OR6C2: variants seen among roughly 807,000 people sequenced by gnomAD.
The protein encoded by OR6C2 is olfactory receptor family 6 subfamily C member 2.
For synonymous variants in OR6C2, 146 were observed against 134.2 expected (o/e 1.09, Z -0.61); for missense variants, 435 against 365.8 (o/e 1.19, Z -1.54).
At chr12:55,447,875 A>G (rs1871392207) in intron 1 of OR6C2, among the ~76,000 whole-genome samples, 1 of 152,090 alleles carries the variant, frequency 6.6e-6, no homozygotes, top group African/African-American at 2.4e-5. Flanking sequence ...ACTGGATCAT[A>G]TAGTAGTTAT....
At position 55,452,241 on chromosome 12, in the gene OR6C2, T is replaced by G; in HGVS notation, c.28T>G (p.Phe10Val). Residue 10 changes from phenylalanine to valine, a missense_variant, in exon 2 of 2, where the codon TTT (phenylalanine) becomes GTT (valine). Phe to Val is a conservative substitution (Grantham distance 50). Coordinates refer to ENST00000641202, the MANE Select transcript of OR6C2 (RefSeq NM_054105.2). ...GAAAAACCACACAGTAATAAGAACT[T>G]TTATCCTGCTGGGACTGACAGGTGA... is the stretch of plus-strand genomic sequence containing the variant. MKNHTVIRT[F>V]ILLGLTGDPH... 4 of 1,593,290 alleles carry G rather than the reference T, an allele frequency of 2.5e-6. No individual in the cohort carries two copies. In the African/African-American group the frequency reaches 4.1e-5, roughly 16 times the overall value.
intron 1 of OR6C2, among the ~76,000 whole-genome samples, chr12:55,446,052 A>C (rs1194670338): frequency 6.6e-6 from 1 of 152,214 alleles, no homozygotes; most frequent in Non-Finnish European, 1.5e-5. Context: ...ACCTAGTCAA[A>C]TGCAAGTATT....
In OR6C2 at chr12:55,452,705, C is replaced by A. The variant is rs138582074; in HGVS notation, c.492C>A (p.Leu164=). The change falls in exon 2 of 2, where the codon CTC becomes CTA. Residue 164 remains leucine, a synonymous_variant. Coordinates refer to ENST00000641202, the MANE Select transcript of OR6C2 (RefSeq NM_054105.2). ...IVPPLSLGLQ[L]EFCDSNAIDH... Reference sequence around the variant, plus strand: ...CACCACTTAGCTTAGGCCTCCAGCTCGAATTCTGTGACTCCAATGCCATTG... The same window carrying A: ...CACCACTTAGCTTAGGCCTCCAGCTAGAATTCTGTGACTCCAATGCCATTG... 2.9e-3 allele frequency: 4,688 copies of A among 1,613,762 alleles called. 39 individuals are homozygous for A. Among genetic ancestry groups the A allele is most frequent in the Middle Eastern group, 0.017 (100 of 6,054 alleles).
Position 55,452,216 on chromosome 12 carries a change from G to GA in OR6C2, c.8dup (p.Asn3LysfsTer16), listed in dbSNP as rs1871487612. 1 of 1,554,712 alleles carries GA rather than the reference G, an allele frequency of 6.4e-7. No individual in the cohort carries two copies. Among genetic ancestry groups the GA allele is most frequent in the Non-Finnish European group, 8.7e-7 (1 of 1,151,014 alleles). ...TGGGTAGATATCAAAGAACAGTGAT[G>GA]AAAAACCACACAGTAATAAGAACTT... On this transcript the variant is annotated frameshift_variant, in exon 2 of 2. Coordinates refer to ENST00000641202, the MANE Select transcript of OR6C2 (RefSeq NM_054105.2). LOFTEE classifies it low-confidence loss of function (END_TRUNC).
intron 1 of OR6C2, among the ~76,000 whole-genome samples, chr12:55,450,820 G>A (rs1871454399): frequency 6.6e-6 from 1 of 152,046 alleles, no homozygotes; most frequent in African/African-American, 2.4e-5. Flanking sequence ...TATTAGACAT[G>A]AAGCCCATTG....
Position 55,451,579 on chromosome 12 carries a change from C to G in OR6C2, c.-635C>G, listed in dbSNP as rs1017789549. Reference sequence around the variant, plus strand: ...ATTCATTTTGTAAAAACCTTGAACACAACTTTTTCTCACATTATAGATAAA... The same window carrying G: ...ATTCATTTTGTAAAAACCTTGAACAGAACTTTTTCTCACATTATAGATAAA... On this transcript the variant is annotated 5_prime_UTR_variant, in exon 2 of 2. Coordinates refer to ENST00000641202, the MANE Select transcript of OR6C2 (RefSeq NM_054105.2). The G allele has an allele frequency of 6.6e-6, 1 of 151,978 alleles. No homozygotes were observed. The highest frequency in any genetic ancestry group is 2.4e-5 in the African/African-American group (1 of 41,390). The allele number at this position is 151,978 out of a possible 1,614,324, so 9.4% of individuals were successfully genotyped here.
In OR6C2 at chr12:55,452,888, G is replaced by C. The variant is rs760166369; in HGVS notation, c.675G>C (p.Lys225Asn). The C allele has an allele frequency of 4.8e-5, 77 of 1,613,802 alleles. No individual in the cohort carries two copies. The highest frequency in any genetic ancestry group is 5.8e-5 in the Non-Finnish European group (69 of 1,179,814). Residue 225 changes from lysine to asparagine, a missense_variant, in exon 2 of 2, where the codon AAG becomes AAC. Lys to Asn is a moderately conservative substitution (Grantham distance 94, BLOSUM62 0). Coordinates refer to ENST00000641202, the MANE Select transcript of OR6C2 (RefSeq NM_054105.2). ...TGTACATAGTCAGAACAATTCTGAA[G>C]TTCCCTTCTGTTCAGCAAAGGAAAA... The part of the protein sequence containing the change: ...SYLYIVRTIL[K>N]FPSVQQRKKA...
Position 55,452,862 on chromosome 12 carries a change from T to G in OR6C2, c.649T>G (p.Leu217Val). Reference sequence around the variant, plus strand: ...CCTAGTTTGTGTGATTCTGTCCTACTTGTACATAGTCAGAACAATTCTGAA... The same window carrying G: ...CCTAGTTTGTGTGATTCTGTCCTACGTGTACATAGTCAGAACAATTCTGAA... ...ITLVCVILSY[L>V]YIVRTILKFP... is the part of the protein sequence containing the mutation. Residue 217 changes from leucine to valine, a missense_variant, in exon 2 of 2, where the codon TTG (leucine) becomes GTG (valine). Physicochemically the swap from Leu to Val is conservative, Grantham distance 32. Coordinates refer to ENST00000641202, the MANE Select transcript of OR6C2 (RefSeq NM_054105.2). 1 of 1,613,876 alleles carries G rather than the reference T, an allele frequency of 6.2e-7. No individual in the cohort carries two copies. The highest frequency in any genetic ancestry group is 8.5e-7 in the Non-Finnish European group (1 of 1,179,816).
intron 1 of OR6C2, among the ~76,000 whole-genome samples, chr12:55,449,645 TA>T (rs1217703294): frequency 1.3e-5 from 2 of 151,472 alleles, no homozygotes; most frequent in African/African-American, 2.4e-5. Context: ...TTTTGGCCTT[TA>T]AAAAAAGAGG....
chr12:55,444,436 T>C (rs1247656541), intron 1 of OR6C2, among the ~76,000 whole-genome samples: 1 of 152,190 alleles, frequency 6.6e-6, no homozygotes, highest in Non-Finnish European at 1.5e-5. Flanking sequence ...CCTTGGAATA[T>C]ATACAAAAAA....
At chr12:55,446,423 C>G (rs1414340982) in intron 1 of OR6C2, among the ~76,000 whole-genome samples, 3 of 152,134 alleles carry the variant, frequency 2.0e-5, no homozygotes, top group African/African-American at 7.2e-5. Context: ...AGCCACCGCG[C>G]CCGGCCAGTG....
chr12:55,451,734 G>T lies in OR6C2; in HGVS notation c.-480G>T, dbSNP rs1215290234. ...ATTCTGTTGTCATTGTTGTTTGTTT[G>T]TTTTTCAGGAAAAATGTAATTTAAT... On this transcript the variant is annotated 5_prime_UTR_variant, in exon 2 of 2. Transcript: ENST00000641202. The T allele has an allele frequency of 6.6e-6, 1 of 152,596 alleles. No homozygotes were observed. The highest frequency in any genetic ancestry group is 1.5e-5 in the Non-Finnish European group (1 of 68,456). The allele number at this position is 152,596 out of a possible 1,614,324, so 9.5% of individuals were successfully genotyped here. A position where few individuals can be genotyped will look rare whatever the true frequency, so the allele number is the denominator to read the frequency against.
At chr12:55,445,239 A>C (rs938472439) in intron 1 of OR6C2, among the ~76,000 whole-genome samples, 1 of 152,142 alleles carries the variant, frequency 6.6e-6, no homozygotes, top group Non-Finnish European at 1.5e-5. Context: ...CATCTCTCTT[A>C]ACAGATTTGT....
At chr12:55,446,555 T>G (rs1406987510) in intron 1 of OR6C2, among the ~76,000 whole-genome samples, 1 of 152,112 alleles carries the variant, frequency 6.6e-6, no homozygotes, top group Non-Finnish European at 1.5e-5. Flanking sequence ...GTGGATGTGC[T>G]CTGACAGGAA....
chr12:55,450,943 G>A (rs1871456632), intron 1 of OR6C2, among the ~76,000 whole-genome samples: 1 of 152,030 alleles, frequency 6.6e-6, no homozygotes, highest in Non-Finnish European at 1.5e-5. Context: ...TTCTTCAGGG[G>A]GTGGAGGTGA....
In OR6C2 at chr12:55,453,112, G is replaced by C; in HGVS notation, c.899G>C (p.Ser300Thr). The C allele has an allele frequency of 6.2e-7, 1 of 1,613,170 alleles. No individual in the cohort carries two copies. Among genetic ancestry groups the C allele is most frequent in the Non-Finnish European group, 8.5e-7 (1 of 1,179,486 alleles). ...LRNKQVKQAF[S>T]DSIKRIAFLS... Reference sequence around the variant, plus strand: ...AACAAGCAAGTGAAACAAGCTTTCAGTGACTCTATAAAGAGGATTGCATTT... The same window carrying C: ...AACAAGCAAGTGAAACAAGCTTTCACTGACTCTATAAAGAGGATTGCATTT... The change falls in exon 2 of 2, where the codon AGT becomes ACT. Residue 300 changes from serine to threonine, a missense_variant. Transcript: ENST00000641202.
intron 1 of OR6C2, 67 bp from the exon 2 acceptor site, chr12:55,451,260 C>G (rs1245015777): frequency 3.3e-5 from 5 of 151,922 alleles, no homozygotes; most frequent in Non-Finnish European, 5.9e-5. Context: ...TAGTAATTAT[C>G]CTTTCTATTT....
At position 55,452,191 on chromosome 12, in the gene OR6C2, T is replaced by G; in HGVS notation, c.-23T>G. ...TAAACCGTGATTTTTAAAGGAGGATTGGGTAGATATCAAAGAACAGTGATG... is the reference window on the plus strand; with the variant it reads ...TAAACCGTGATTTTTAAAGGAGGATGGGGTAGATATCAAAGAACAGTGATG... On this transcript the variant is annotated 5_prime_UTR_variant, in exon 2 of 2. It adds an upstream start codon to the 5' untranslated region. Coordinates refer to ENST00000641202, the MANE Select transcript of OR6C2 (RefSeq NM_054105.2). 1 of 1,434,424 alleles carries G rather than the reference T, an allele frequency of 7.0e-7. No individual in the cohort carries two copies. The highest frequency in any genetic ancestry group is 9.5e-7 in the Non-Finnish European group (1 of 1,054,688). The allele number at this position is 1,434,424 out of a possible 1,614,324, so 88.9% of individuals were successfully genotyped here. A position where few individuals can be genotyped will look rare whatever the true frequency, so the allele number is the denominator to read the frequency against.
intron 1 of OR6C2, 59 bp downstream of exon 1, chr12:55,444,218 T>C (rs1871325756): frequency 6.6e-6 from 1 of 152,142 alleles, no homozygotes; most frequent in African/African-American, 2.4e-5. Context: ...TTTGTTGGAG[T>C]ACTCTTCTGT....
Sources: gnomAD v4.1 joint callset for allele counts (sites outside exome capture counted in the v4.1 genomes callset) on GRCh38, gnomAD v4.1.1 for gene constraint, MANE v1.5 for transcripts, NCBI Gene and HGNC (gene_info 2026-07-23, HGNC 2026-07-21) for gene names.